The following NBAS variants were observed in gnomAD, a reference collection of about 807,000 sequenced individuals.
The protein encoded by NBAS is NAG/BC035112 fusion.
NBAS carries 219 observed loss-of-function variants against 302.5 expected under a neutral mutation model. That is an observed-to-expected ratio of 0.72 (90% CI 0.65 to 0.81). The LOEUF (loss-of-function observed/expected upper bound fraction) is 0.81, where lower values mean the gene tolerates loss of function less well. Among genes scored for constraint, NBAS ranks in the 30% least tolerant of loss-of-function variants. The probability of loss-of-function intolerance (pLI) is 0.00; values close to 1 mark genes in which losing one functional copy is unlikely to be tolerated. For synonymous variants in NBAS, 1,118 were observed against 1,021.6 expected (o/e 1.09, Z -1.80); for missense variants, 2,932 against 2,841.6 (o/e 1.03, Z -0.72).
chr2:15,036,521 T>A, the NBAS span, among the ~76,000 whole-genome samples: 2 of 152,076 alleles, frequency 1.3e-5, no homozygotes, highest in African/African-American at 4.8e-5. Context: ...AGAAACTGAG[T>A]CACTTTCCAC....
chr2:14,974,745 A>T, the NBAS span, among the ~76,000 whole-genome samples: 4 of 152,192 alleles, frequency 2.6e-5, no homozygotes, highest in African/African-American at 9.7e-5. Flanking sequence ...CCTAAAAATA[A>T]CCAGTAGATT....
intron 33 of NBAS, 58 bp from the exon 34 acceptor site, chr2:15,353,768 G>C: frequency 6.2e-7 from 1 of 1,608,926 alleles, no homozygotes; most frequent in South Asian, 1.1e-5. Flanking sequence ...TTCAATCTAA[G>C]ATGACAAATG....
At position 15,498,447 on chromosome 2, in the gene NBAS, G is replaced by A. The variant is rs112854443; in HGVS notation, c.954+5698C>T. On this transcript the variant is annotated intron_variant, in intron 11 of 51. Coordinates refer to ENST00000281513, the MANE Select transcript of NBAS (RefSeq NM_015909.4). ...TATTCAAAAAATAACATGCTGGCGA[G>A]GTTGTGGAGAAAAAGGAACGCTTAC... Among the ~76,000 whole-genome samples, 1,455 of 152,258 alleles carry A rather than the reference G, an allele frequency of 9.6e-3. 16 individuals carry two copies. Among genetic ancestry groups the A allele is most frequent in the African/African-American group, 0.03 (1,250 of 41,524 alleles).
chr2:15,312,386 G>C (rs1470057634), intron 38 of NBAS, among the ~76,000 whole-genome samples: 1 of 152,136 alleles, frequency 6.6e-6, no homozygotes, highest in Non-Finnish European at 1.5e-5. Context: ...TGAACCTCCT[G>C]CCTAAGCCTC....
At chr2:14,802,277 G>T in the NBAS span, among the ~76,000 whole-genome samples, 2 of 144,556 alleles carry the variant, frequency 1.4e-5, no homozygotes, top group Non-Finnish European at 3.0e-5. Context: ...TATTAAATAG[G>T]GAATCCTTTC....
chr2:15,330,341 T>C (rs926517146), intron 36 of NBAS, among the ~76,000 whole-genome samples: 2 of 152,228 alleles, frequency 1.3e-5, no homozygotes, highest in Admixed American at 1.3e-4. Flanking sequence ...AATTTTTCTT[T>C]TCATCACACT....
chr2:15,539,739 T>C (rs2148690044), intron 6 of NBAS, among the ~76,000 whole-genome samples: 1 of 152,274 alleles, frequency 6.6e-6, no homozygotes, highest in East Asian at 1.9e-4. Context: ...TCCACTCCTC[T>C]AAAAGCAAAA....
intron 38 of NBAS, among the ~76,000 whole-genome samples, chr2:15,314,376 C>T (rs969595035): frequency 6.6e-6 from 1 of 151,984 alleles, no homozygotes; most frequent in African/African-American, 2.4e-5. Context: ...AAACAAATAA[C>T]AACAACAACA....
At chr2:15,378,246 C>T (rs1674849730) in intron 30 of NBAS, among the ~76,000 whole-genome samples, 1 of 152,140 alleles carries the variant, frequency 6.6e-6, no homozygotes, top group African/African-American at 2.4e-5. Flanking sequence ...ATCAACACAA[C>T]TCTGAGTAAG....
chr2:15,412,793 C>T (rs896483912), intron 25 of NBAS, among the ~76,000 whole-genome samples: 2 of 152,200 alleles, frequency 1.3e-5, no homozygotes, highest in East Asian at 1.9e-4. Flanking sequence ...GGGGCTCTTA[C>T]ACATCATTTG....
chr2:14,963,289 A>T, the NBAS span, among the ~76,000 whole-genome samples: 15 of 152,112 alleles, frequency 9.9e-5, no homozygotes, highest in Non-Finnish European at 2.1e-4. Context: ...AATAAATAAA[A>T]ATCAAAAATA....
chr2:14,871,059 A>G, the NBAS span, among the ~76,000 whole-genome samples: 1 of 152,138 alleles, frequency 6.6e-6, no homozygotes, highest in Non-Finnish European at 1.5e-5. Context: ...AAAAATAAAC[A>G]TTAGTGACTT....
At chr2:15,006,182 T>C in the NBAS span, among the ~76,000 whole-genome samples, 6 of 152,214 alleles carry the variant, frequency 3.9e-5, no homozygotes, top group Non-Finnish European at 5.9e-5. Flanking sequence ...AATGAGCACG[T>C]ATTATAATAG....
chr2:15,194,152 A>G (rs1053900223), intron 48 of NBAS, among the ~76,000 whole-genome samples: 1 of 152,152 alleles, frequency 6.6e-6, no homozygotes, highest in African/African-American at 2.4e-5. Flanking sequence ...ATTATAAGAC[A>G]TATCTAAAAA....
the NBAS span, among the ~76,000 whole-genome samples, chr2:14,922,352 G>A: frequency 1.3e-5 from 2 of 152,190 alleles, no homozygotes; most frequent in African/African-American, 2.4e-5. Flanking sequence ...AAGTCCTGTT[G>A]GGTTGAGTAC....
the NBAS span, among the ~76,000 whole-genome samples, chr2:14,858,023 T>C: frequency 2.0e-5 from 3 of 152,146 alleles, no homozygotes; most frequent in Non-Finnish European, 4.4e-5. Flanking sequence ...GAGACTTTAA[T>C]GGTCATTTCT....
intron 44 of NBAS, among the ~76,000 whole-genome samples, chr2:15,253,402 G>C (rs1668448313): frequency 6.6e-6 from 1 of 152,148 alleles, no homozygotes; most frequent in South Asian, 2.1e-4. Flanking sequence ...CGTGTGCTTA[G>C]GCAAGGGATT....
the NBAS span, among the ~76,000 whole-genome samples, chr2:14,895,720 A>T: frequency 6.6e-6 from 1 of 150,772 alleles, no homozygotes. Context: ...AGCCTGGGTG[A>T]CAGAGCGAGA....
At chr2:15,110,935 A>G in the NBAS span, among the ~76,000 whole-genome samples, 28 of 152,186 alleles carry the variant, frequency 1.8e-4, no homozygotes, top group Admixed American at 1.3e-4. Context: ...GGAGCCAGAG[A>G]AAAATATAAG....
Sources: allele counts gnomAD v4.1 joint callset (sites outside exome capture counted in the v4.1 genomes callset), GRCh38; gene constraint gnomAD v4.1.1; transcripts MANE v1.5; gene names NCBI Gene and HGNC (gene_info 2026-07-23, HGNC 2026-07-21).